IGF2BP1: variants seen among roughly 807,000 people sequenced by gnomAD.
The protein encoded by IGF2BP1 is insulin-like growth factor 2 mRNA-binding protein 1.
IGF2BP1 carries 11 observed loss-of-function variants against 74.9 expected under a neutral mutation model. That is an observed-to-expected ratio of 0.15 (90% CI 0.09 to 0.24). IGF2BP1 has a LOEUF of 0.24. IGF2BP1 is among the 10% of genes least tolerant of loss of function. The probability of loss-of-function intolerance (pLI) is 1.00; values close to 1 mark genes in which losing one functional copy is unlikely to be tolerated. For missense variants in IGF2BP1, 440 were observed against 757.4 expected (o/e 0.58, Z 4.92); for synonymous variants, 287 against 281.8 (o/e 1.02, Z -0.18).
chr17:49,021,149 A>G (rs2144029752), intron 2 of IGF2BP1, among the ~76,000 whole-genome samples: 1 of 148,388 alleles, frequency 6.7e-6, no homozygotes, highest in East Asian at 2.0e-4. Flanking sequence ...TCTCAAAGGA[A>G]AAAAAAAAAA....
intron 3 of IGF2BP1, among the ~76,000 whole-genome samples, chr17:49,025,924 C>T (rs1330473143): frequency 6.8e-6 from 1 of 146,276 alleles, no homozygotes; most frequent in Non-Finnish European, 1.5e-5. Context: ...GGCGCGATCT[C>T]GACTCACTGC....
Position 48,999,174 on chromosome 17 carries a change from G to C in IGF2BP1, c.236+5G>C. The C allele has an allele frequency of 1.2e-6, 1 of 860,152 alleles. No homozygotes were observed. Among genetic ancestry groups the C allele is most frequent in the Non-Finnish European group, 1.8e-6 (1 of 562,352 alleles). The allele number at this position is 860,152 out of a possible 1,614,324, so 53.3% of individuals were successfully genotyped here. A position where few individuals can be genotyped will look rare whatever the true frequency, so the allele number is the denominator to read the frequency against. The stretch of plus-strand genomic sequence containing the variant: ...TTCGGTGCCCAAAAAACAAAGGTAG[G>C]AAAGAGCTCTTTTCGGGGGGGGTGG... On this transcript the variant is annotated splice_donor_5th_base_variant and intron_variant, in intron 2 of 14. Transcript: ENST00000290341.
Position 49,055,500 on chromosome 17 carries a change from G to T in IGF2BP1, c.*6056G>T. ...TTTGTTTTGGGGATGCTTAAATCTTGACTGGCACTTCCCGGCTGTGGGGGC... is the reference window on the plus strand; with the variant it reads ...TTTGTTTTGGGGATGCTTAAATCTTTACTGGCACTTCCCGGCTGTGGGGGC... On this transcript the variant is annotated 3_prime_UTR_variant, in exon 15 of 15. Coordinates refer to ENST00000290341, the MANE Select transcript of IGF2BP1 (RefSeq NM_006546.4). 2.6e-6 allele frequency: 1 copy of T among 387,014 alleles called. No individual in the cohort carries two copies. Among genetic ancestry groups the T allele is most frequent in the Non-Finnish European group, 4.6e-6 (1 of 219,188 alleles). The allele number at this position is 387,014 out of a possible 1,614,324, so 24.0% of individuals were successfully genotyped here.
In IGF2BP1 at chr17:49,055,963, C is replaced by A. The variant is rs905712342; in HGVS notation, c.*6519C>A. On this transcript the variant is annotated 3_prime_UTR_variant, in exon 15 of 15. Coordinates refer to ENST00000290341, the MANE Select transcript of IGF2BP1 (RefSeq NM_006546.4). ...CCCGATTTTGATTGTATCCTTCCTC[C>A]CATCCTTTAATCTGTTCATTGCTTT... Among the ~76,000 whole-genome samples the A allele has an allele frequency of 2.6e-5, 4 of 151,750 alleles. No homozygotes were observed. The highest frequency in any genetic ancestry group is 9.7e-5 in the African/African-American group (4 of 41,264).
Position 49,044,079 on chromosome 17 carries a change from C to T in IGF2BP1, c.1313C>T (p.Ser438Phe). 1 of 1,614,096 alleles carries T rather than the reference C, an allele frequency of 6.2e-7. No homozygotes were observed. The highest frequency in any genetic ancestry group is 8.5e-7 in the Non-Finnish European group (1 of 1,180,002). The change falls in exon 11 of 15, where the codon TCC becomes TTC. Residue 438 changes from serine to phenylalanine, a missense_variant. Transcript: ENST00000290341. ...CAGCTCTCCCGGTTTGCCAGCGCCT[C>T]CATCAAGGTGATCTGCTCTGTGGGT... is the stretch of plus-strand genomic sequence containing the variant. ...IKQLSRFASA[S>F]IKIAPPETPD...
rs1023711192 is a variant in IGF2BP1, at chr17:49,054,121, G to C, written c.*4677G>C. On this transcript the variant is annotated 3_prime_UTR_variant, in exon 15 of 15. Transcript: ENST00000290341. ...CATAAGGCTTCTCTATCGGGGTACG[G>C]GACAGGGAGGAGGCCTCATGTCTGA... 14 of 152,710 alleles carry C rather than the reference G, an allele frequency of 9.2e-5. No homozygotes were observed. Among genetic ancestry groups the C allele is most frequent in the African/African-American group, 3.1e-4 (13 of 41,474 alleles). 9.5% of individuals were successfully genotyped at this position (152,710 alleles called of 1,614,324 possible).
At chr17:49,034,745 C>CACAAAAAAA (rs567304905) in intron 5 of IGF2BP1, among the ~76,000 whole-genome samples, 4 of 119,768 alleles carry the variant, frequency 3.3e-5, no homozygotes, top group South Asian at 2.8e-4. Flanking sequence ...TCAAAAAAAA[C>CACAAAAAAA]ACAAAAAAAA....
chr17:49,021,529 C>T (rs891238846), intron 2 of IGF2BP1, among the ~76,000 whole-genome samples: 7 of 152,148 alleles, frequency 4.6e-5, no homozygotes, highest in Admixed American at 2.0e-4. Context: ...CGTGCCCCAC[C>T]CCTGGCCCAG....
At chr17:49,038,931 G>A (rs2042018855) in intron 6 of IGF2BP1, among the ~76,000 whole-genome samples, 1 of 145,546 alleles carries the variant, frequency 6.9e-6, no homozygotes, top group African/African-American at 2.6e-5. Flanking sequence ...AGGCTGGAGT[G>A]CAGTGGTGCG....
In IGF2BP1 at chr17:49,043,562, A is replaced by G; in HGVS notation, c.1200+12A>G. ...ATAGCTCCTTTATGGTAGGTGGAAG[A>G]TCTTATTACACGGGATCCCTGGGCC... On this transcript the variant is annotated intron_variant, in intron 10 of 14. Coordinates refer to ENST00000290341, the MANE Select transcript of IGF2BP1 (RefSeq NM_006546.4). The G allele has an allele frequency of 6.2e-7, 1 of 1,613,328 alleles. No homozygotes were observed.
chr17:49,047,661 G>A (rs929233037), intron 14 of IGF2BP1, among the ~76,000 whole-genome samples: 2 of 151,120 alleles, frequency 1.3e-5, no homozygotes, highest in African/African-American at 4.9e-5. Flanking sequence ...GGTTGATGGA[G>A]TTGGACCTCT....
At chr17:49,011,635 G>A (rs557363135) in intron 2 of IGF2BP1, among the ~76,000 whole-genome samples, 3 of 151,906 alleles carry the variant, frequency 2.0e-5, no homozygotes, top group African/African-American at 7.2e-5. Flanking sequence ...ATTATAATGA[G>A]CTATGATGGT....
chr17:49,020,451 A>G (rs980292945), intron 2 of IGF2BP1, among the ~76,000 whole-genome samples: 1 of 152,232 alleles, frequency 6.6e-6, no homozygotes, highest in African/African-American at 2.4e-5. Flanking sequence ...TTTACAGACC[A>G]GGGTACTGAG....
intron 12 of IGF2BP1, 145 bp from the exon 13 acceptor site, chr17:49,045,745 C>T (rs1598160026): frequency 5.4e-6 from 4 of 741,148 alleles, no homozygotes; most frequent in Non-Finnish European, 8.6e-6. Flanking sequence ...TGAGCCTTGC[C>T]CTTCACCTGC....
At position 49,052,280 on chromosome 17, in the gene IGF2BP1, T is replaced by G. The variant is rs2042176366; in HGVS notation, c.*2836T>G. ...AAACAAAGCAGATAACGTTCAGACG[T>G]CGGCCATTTAGTAATTTAAAGCGAA... On this transcript the variant is annotated 3_prime_UTR_variant, in exon 15 of 15. Coordinates refer to ENST00000290341, the MANE Select transcript of IGF2BP1 (RefSeq NM_006546.4). 6.6e-6 allele frequency: 1 copy of G among 152,150 alleles called. No homozygotes were observed. The highest frequency in any genetic ancestry group is 2.4e-5 in the African/African-American group (1 of 41,434). The allele number at this position is 152,150 out of a possible 1,614,324, so 9.4% of individuals were successfully genotyped here.
chr17:49,040,214 T>G, intron 7 of IGF2BP1, 123 bp downstream of exon 7: 1 of 1,088,666 alleles, frequency 9.2e-7, no homozygotes, highest in Non-Finnish European at 1.3e-6. Context: ...CAAAAAGATG[T>G]AAACTGAGAA....
chr17:49,043,505 G>A lies in IGF2BP1; in HGVS notation c.1155G>A (p.Pro385=), dbSNP rs369774252. ...LFPASSSAVP[P]PPSSVTGAAP... ...CAGCTTCATCCAGCGCAGTCCCGCC[G>A]CCTCCCAGCAGCGTTACTGGGGCTG... Residue 385 remains proline (P), a synonymous_variant, in exon 10 of 15, where the codon CCG becomes CCA. Coordinates refer to ENST00000290341, the MANE Select transcript of IGF2BP1 (RefSeq NM_006546.4). 14 of 1,613,938 alleles carry A rather than the reference G, an allele frequency of 8.7e-6. No individual in the cohort carries two copies. Among genetic ancestry groups the A allele is most frequent in the Admixed American group, 3.3e-5 (2 of 59,992 alleles).
intron 2 of IGF2BP1, among the ~76,000 whole-genome samples, chr17:48,999,446 C>CT (rs2041457810): frequency 6.6e-6 from 1 of 151,970 alleles, no homozygotes; most frequent in Non-Finnish European, 1.5e-5. Flanking sequence ...GGGGAGAAAC[C>CT]TTGTGGAGTT....
intron 2 of IGF2BP1, among the ~76,000 whole-genome samples, chr17:49,020,691 G>A (rs2041781212): frequency 1.3e-5 from 2 of 152,204 alleles, no homozygotes; most frequent in South Asian, 2.1e-4. Flanking sequence ...GGTCTGCACC[G>A]TGGAATTGCA....
Sources: gnomAD v4.1 joint callset for allele counts (sites outside exome capture counted in the v4.1 genomes callset) on GRCh38, gnomAD v4.1.1 for gene constraint, MANE v1.5 for transcripts, NCBI Gene and HGNC (gene_info 2026-07-23, HGNC 2026-07-21) for gene names.